The following RBFOX1 variants were observed in gnomAD, a reference collection of about 807,000 sequenced individuals.
RBFOX1 encodes the protein RNA binding protein fox-1 homolog 1.
A neutral mutation model predicts 57.7 loss-of-function variants in RBFOX1; 8 were observed. The ratio of observed to expected loss-of-function variants is 0.14; its 90% CI spans 0.08 to 0.25. RBFOX1 has a LOEUF of 0.25. RBFOX1 is among the 10% of genes least tolerant of loss of function. RBFOX1 has a pLI of 1.00. For missense variants in RBFOX1, 611 were observed against 548.5 expected, an observed-to-expected ratio of 1.11 and a Z score of -1.14; for synonymous variants, 326 against 222.4, an observed-to-expected ratio of 1.47 and a Z score of -4.15.
rs1178927537 is a variant in RBFOX1 at position 6,450,799 on chromosome 16, A to G, written c.-64+133742A>G. Among the ~76,000 whole-genome samples the G allele has an allele frequency of 2.7e-3, 34 of 12,534 alleles. 2 individuals carry two copies. The highest frequency in any genetic ancestry group is 0.011 in the Admixed American group (7 of 640). 8.2% of individuals were successfully genotyped at this position (12,534 alleles called of 152,430 possible). A position where few individuals can be genotyped will look rare whatever the true frequency, so the allele number is the denominator to read the frequency against. The stretch of plus-strand genomic sequence containing the variant: ...TATATATATATATATACATATATAT[A>G]TGTATATATATATATATACATATAT... On this transcript the variant is annotated intron_variant, in intron 2 of 15. Coordinates refer to ENST00000550418, the MANE Select transcript of RBFOX1 (RefSeq NM_018723.4).
At chr16:6,495,476 G>C (rs937347073) in intron 2 of RBFOX1, among the ~76,000 whole-genome samples, 1 of 152,048 alleles carries the variant, frequency 6.6e-6, no homozygotes, top group African/African-American at 2.4e-5. Context: ...AGATCGGTTG[G>C]TCATAACTTG....
In RBFOX1 at chr16:6,607,604, T is replaced by A. The variant is rs577381816; in HGVS notation, c.-63-46999T>A. 1.5e-3 allele frequency among the ~76,000 whole-genome samples: 222 copies of A among 151,516 alleles called. 1 individual carries two copies. Among genetic ancestry groups the A allele is most frequent in the African/African-American group, 5.1e-3 (210 of 41,270 alleles). On this transcript the variant is annotated intron_variant, in intron 2 of 15. Transcript: ENST00000550418. Reference sequence around the variant, plus strand: ...CTGTCTCCCTCCTCTCTCTCTCTCCTCTCTCTTTCTCTCTCTTCTTCCTCC... The same window carrying A: ...CTGTCTCCCTCCTCTCTCTCTCTCCACTCTCTTTCTCTCTCTTCTTCCTCC...
Position 7,304,970 on chromosome 16 carries a change from T to G in RBFOX1, c.28-213177T>G, listed in dbSNP as rs569853221. Among the ~76,000 whole-genome samples, 67 of 142,178 alleles carry G rather than the reference T, an allele frequency of 4.7e-4. No individual in the cohort carries two copies. The East Asian group carries it at 0.012, about 26-fold the overall frequency. 93.3% of individuals were successfully genotyped at this position (142,178 alleles called of 152,430 possible). On this transcript the variant is annotated intron_variant, in intron 4 of 15. Coordinates refer to ENST00000550418, the MANE Select transcript of RBFOX1 (RefSeq NM_018723.4). ...TGTGTGTGTGTGTGTTTTCCTAAGT[T>G]TGTGTGGTGCTATATTCGGTCCGCA... is the stretch of plus-strand genomic sequence containing the variant.
chr16:6,391,459 GA>G (rs1449112381), intron 2 of RBFOX1, among the ~76,000 whole-genome samples: 1 of 149,262 alleles, frequency 6.7e-6, no homozygotes, highest in African/African-American at 2.5e-5. Context: ...GCAGTGAGCC[GA>G]GATCGCACCA....
At chr16:7,040,249 G>C (rs955007470) in intron 3 of RBFOX1, among the ~76,000 whole-genome samples, 12 of 152,062 alleles carry the variant, frequency 7.9e-5, no homozygotes, top group African/African-American at 2.7e-4. Context: ...TCGATCTCTT[G>C]ACCTCATGGT....
intron 4 of RBFOX1, among the ~76,000 whole-genome samples, chr16:7,387,920 ATTTT>A (rs1195410146): frequency 2.0e-5 from 3 of 151,880 alleles, no homozygotes; most frequent in Non-Finnish European, 2.9e-5. Context: ...TTTCGCCTTT[ATTTT>A]ACGCCATTGT....
At chr16:6,990,520 C>T (rs866876405) in intron 3 of RBFOX1, among the ~76,000 whole-genome samples, 1 of 151,938 alleles carries the variant, frequency 6.6e-6, no homozygotes, top group Admixed American at 6.6e-5. Flanking sequence ...AAAGAAACTC[C>T]ATCTCAAAAA....
intron 2 of RBFOX1, among the ~76,000 whole-genome samples, chr16:5,498,801 T>G (rs1274850627): frequency 6.6e-6 from 1 of 152,252 alleles, no homozygotes; most frequent in Non-Finnish European, 1.5e-5. Context: ...CTTCATGCCC[T>G]GCACCCATCA....
intron 1 of RBFOX1, among the ~76,000 whole-genome samples, chr16:6,243,609 G>A (rs535489014): frequency 2.0e-4 from 30 of 152,292 alleles, no homozygotes; most frequent in South Asian, 2.1e-4. Context: ...CGGGTCAGGT[G>A]GACCCACCTC....
chr16:7,483,911 T>C (rs903636472), intron 4 of RBFOX1, among the ~76,000 whole-genome samples: 1 of 152,232 alleles, frequency 6.6e-6, no homozygotes, highest in Non-Finnish European at 1.5e-5. Flanking sequence ...AAGTGTACAG[T>C]TTGAATTTTG....
At chr16:5,338,743 C>T (rs2064961772) in intron 1 of RBFOX1, among the ~76,000 whole-genome samples, 2 of 152,212 alleles carry the variant, frequency 1.3e-5, no homozygotes, top group Non-Finnish European at 2.9e-5. Context: ...ACTGGAGCCT[C>T]TGCCTCCTGG....
intron 3 of RBFOX1, among the ~76,000 whole-genome samples, chr16:6,781,253 C>T (rs1485875081): frequency 3.3e-5 from 5 of 152,048 alleles, no homozygotes; most frequent in Non-Finnish European, 5.9e-5. Flanking sequence ...CTTTGTTGAA[C>T]CATCCTTTTA....
chr16:6,380,759 A>T (rs2091731359), intron 2 of RBFOX1, among the ~76,000 whole-genome samples: 2 of 152,184 alleles, frequency 1.3e-5, no homozygotes, highest in Non-Finnish European at 2.9e-5. Context: ...AGGAGAACAC[A>T]TAATCAATTT....
At chr16:6,256,285 G>GTA (rs1406262099) in intron 1 of RBFOX1, among the ~76,000 whole-genome samples, 12 of 114,226 alleles carry the variant, frequency 1.1e-4, no homozygotes, top group African/African-American at 5.1e-4. Context: ...ATATATATGT[G>GTA]TGTATATATA....
intron 13 of RBFOX1, among the ~76,000 whole-genome samples, chr16:7,673,638 G>A (rs1230079526): frequency 6.6e-6 from 1 of 152,154 alleles, no homozygotes; most frequent in African/African-American, 2.4e-5. Flanking sequence ...TGCTAACAAA[G>A]GAAACTTCTC....
intron 3 of RBFOX1, among the ~76,000 whole-genome samples, chr16:6,772,353 T>C (rs1230895635): frequency 1.3e-5 from 2 of 152,212 alleles, no homozygotes; most frequent in African/African-American, 4.8e-5. Flanking sequence ...ATAATTTATT[T>C]ATGCAGCAAT....
intron 2 of RBFOX1, among the ~76,000 whole-genome samples, chr16:6,614,007 A>G (rs998189293): frequency 7.9e-5 from 12 of 152,216 alleles, no homozygotes; most frequent in African/African-American, 2.9e-4. Context: ...TACAGCAATT[A>G]CTAACCAGAG....
intron 1 of RBFOX1, among the ~76,000 whole-genome samples, chr16:6,145,033 T>C (rs1180381043): frequency 6.6e-6 from 1 of 152,050 alleles, no homozygotes; most frequent in African/African-American, 2.4e-5. Flanking sequence ...TCATAGTATC[T>C]CTTTTTTTTT....
chr16:7,176,921 C>G (rs897023201), intron 4 of RBFOX1, among the ~76,000 whole-genome samples: 11 of 152,068 alleles, frequency 7.2e-5, no homozygotes, highest in African/African-American at 2.4e-4. Context: ...TTAAATGCCT[C>G]TAATCTCAGA....
Sources: allele counts gnomAD v4.1 joint callset (sites outside exome capture counted in the v4.1 genomes callset), GRCh38; gene constraint gnomAD v4.1.1; transcripts MANE v1.5; gene names NCBI Gene and HGNC (gene_info 2026-07-23, HGNC 2026-07-21).